YIPF7: variants seen among roughly 807,000 people sequenced by gnomAD.
The protein encoded by YIPF7 is Yip1 domain family member 7, also known as protein YIPF7.
A neutral mutation model predicts 27.2 loss-of-function variants in YIPF7; 35 were observed. The observed-to-expected ratio is 1.29, with a 90% CI of 0.98 to 1.70. YIPF7 has a LOEUF of 1.70. Ranked by LOEUF, YIPF7 falls within the 40% of genes most tolerant of loss-of-function variation. The probability of loss-of-function intolerance (pLI) is 0.00; values close to 1 mark genes in which losing one functional copy is unlikely to be tolerated. For synonymous variants in YIPF7, 137 were observed against 110.4 expected (o/e 1.24, Z -1.51); for missense variants, 358 against 303.7 (o/e 1.18, Z -1.33).
intron 2 of YIPF7, among the ~76,000 whole-genome samples, chr4:44,645,444 C>G (rs1005201141): frequency 6.6e-6 from 1 of 152,072 alleles, no homozygotes; most frequent in Non-Finnish European, 1.5e-5. Flanking sequence ...TAGTCCTTGA[C>G]GATTAACCTA....
chr4:44,622,649 A>G, intron 5 of YIPF7, 73 bp from the exon 6 acceptor site: 2 of 1,543,990 alleles, frequency 1.3e-6, no homozygotes, highest in South Asian at 2.4e-5. Context: ...TGCCTCTGAA[A>G]TATCCTTGGC....
At chr4:44,630,725 G>T (rs1712858604) in intron 3 of YIPF7, among the ~76,000 whole-genome samples, 1 of 152,074 alleles carries the variant, frequency 6.6e-6, no homozygotes, top group South Asian at 2.1e-4. Context: ...CCTTCTGCTA[G>T]AATCTGCTTC....
At chr4:44,661,864 T>C (rs946214556) in intron 1 of YIPF7, among the ~76,000 whole-genome samples, 1 of 152,238 alleles carries the variant, frequency 6.6e-6, no homozygotes, top group Non-Finnish European at 1.5e-5. Flanking sequence ...GGTCTTTAAT[T>C]ACCAAGTTAA....
intron 2 of YIPF7, chr4:44,660,441 A>T (rs989146143): frequency 6.6e-6 from 1 of 152,090 alleles, no homozygotes; most frequent in Non-Finnish European, 1.5e-5. Flanking sequence ...CTGCCATGTA[A>T]TAAGTACCTG....
chr4:44,635,930 A>G lies in YIPF7; in HGVS notation c.272T>C (p.Leu91Ser). ...YIDSFDEEPP[L>S]LEELGIHFDH... ...ACACTTCCTTAACTTATCTTCTAGC[A>G]AAGGAGGCTCTTCATCAAAACTGTC... Residue 91 changes from leucine to serine, a missense_variant, in exon 3 of 6, where the codon TTG (leucine) becomes TCG (serine). Physicochemically the swap from Leu to Ser is moderately radical, Grantham distance 145. Coordinates refer to ENST00000415895, the MANE Select transcript of YIPF7 (RefSeq NM_182592.3). The G allele has an allele frequency of 1.9e-6, 3 of 1,613,718 alleles. No individual in the cohort carries two copies. The highest frequency in any genetic ancestry group is 2.5e-6 in the Non-Finnish European group (3 of 1,179,750).
upstream of YIPF7, among the ~76,000 whole-genome samples, chr4:44,655,557 A>G (rs1163103712): frequency 1.3e-5 from 2 of 151,984 alleles, no homozygotes; most frequent in Non-Finnish European, 2.9e-5. Context: ...ATAAACCAAA[A>G]GAAAAATATG....
intron 2 of YIPF7, among the ~76,000 whole-genome samples, chr4:44,658,884 A>G (rs1156997806): frequency 6.6e-6 from 1 of 152,192 alleles, no homozygotes; most frequent in Non-Finnish European, 1.5e-5. Context: ...ATTATCTTCA[A>G]TCATCACCCA....
intron 2 of YIPF7, among the ~76,000 whole-genome samples, chr4:44,641,667 G>A (rs184768858): frequency 2.6e-5 from 4 of 151,986 alleles, no homozygotes; most frequent in East Asian, 3.9e-4. Flanking sequence ...TAACATATTC[G>A]ACCTCCTTTA....
At chr4:44,650,190 A>G in intron 1 of YIPF7, 89 bp from the exon 2 acceptor site, 4 of 788,508 alleles carry the variant, frequency 5.1e-6, no homozygotes, top group Non-Finnish European at 8.7e-6. Context: ...CAATGTGATT[A>G]TGGCTGAATT....
chr4:44,641,499 G>A (rs796327873), intron 2 of YIPF7, among the ~76,000 whole-genome samples: 4 of 152,194 alleles, frequency 2.6e-5, no homozygotes, highest in African/African-American at 9.6e-5. Flanking sequence ...CCAGTAACAC[G>A]TTTTAAGTTT....
rs369508790 is a variant in YIPF7 at position 44,649,991 on chromosome 4, G to A, written c.110C>T (p.Ser37Phe). The part of the protein sequence containing the change: ...DSNAYGNLYG[S>F]RKQQAGEQPQ... ...AAAAATATTAAGTACTTACTTTCTA[G>A]ATCCATAAAGATTTCCATAGGCATT... The change falls in exon 2 of 6, where the codon TCT becomes TTT. Residue 37 changes from serine to phenylalanine, a missense_variant. By Grantham distance (155) the Ser-to-Phe change is radical. Transcript: ENST00000415895. The A allele has an allele frequency of 3.4e-6, 5 of 1,486,246 alleles. No individual in the cohort carries two copies. The African/African-American group carries it at 7.0e-5, about 21-fold the overall frequency. The allele number at this position is 1,486,246 out of a possible 1,614,324, so 92.1% of individuals were successfully genotyped here. A position where few individuals can be genotyped will look rare whatever the true frequency, so the allele number is the denominator to read the frequency against.
intron 2 of YIPF7, among the ~76,000 whole-genome samples, chr4:44,636,799 G>C (rs1047811392): frequency 6.6e-6 from 1 of 151,918 alleles, no homozygotes; most frequent in Admixed American, 6.6e-5. Flanking sequence ...ATAAAATTTT[G>C]TTACATGCAT....
chr4:44,660,140 A>G (rs1714008898), intron 2 of YIPF7, among the ~76,000 whole-genome samples: 1 of 146,706 alleles, frequency 6.8e-6, no homozygotes, highest in Non-Finnish European at 1.5e-5. Context: ...AAAAAAACGA[A>G]CCTTACAGTG....
At chr4:44,625,765 G>A (rs564391648) in intron 4 of YIPF7, among the ~76,000 whole-genome samples, 5 of 152,222 alleles carry the variant, frequency 3.3e-5, no homozygotes, top group South Asian at 2.1e-4. Context: ...TACTTACAGC[G>A]TACCATTACT....
upstream of YIPF7, among the ~76,000 whole-genome samples, chr4:44,656,494 A>T (rs1713904818): frequency 6.6e-6 from 1 of 152,080 alleles, no homozygotes; most frequent in African/African-American, 2.4e-5. Flanking sequence ...TTATGTGTGT[A>T]TATAAACTTC....
chr4:44,636,234 G>C, intron 2 of YIPF7, 149 bp from the exon 3 acceptor site: 1 of 846,244 alleles, frequency 1.2e-6, no homozygotes, highest in Non-Finnish European at 1.7e-6. Context: ...TTTAACTTTA[G>C]TCCAAAAATG....
chr4:44,627,401 C>T (rs1367250814), intron 4 of YIPF7, among the ~76,000 whole-genome samples: 1 of 152,106 alleles, frequency 6.6e-6, no homozygotes, highest in Non-Finnish European at 1.5e-5. Context: ...ACTCTTATGT[C>T]TCCAGAGATA....
At chr4:44,657,221 A>T (rs1043101252) in intron 2 of YIPF7, among the ~76,000 whole-genome samples, 8 of 152,212 alleles carry the variant, frequency 5.3e-5, no homozygotes, top group Admixed American at 2.0e-4. Context: ...GAGTATCTCT[A>T]CCTTCTTTCG....
chr4:44,659,402 T>C (rs1713983761), intron 2 of YIPF7, among the ~76,000 whole-genome samples: 1 of 152,150 alleles, frequency 6.6e-6, no homozygotes, highest in Admixed American at 6.5e-5. Flanking sequence ...GTATAAATGA[T>C]AGTGCTGACA....
Sources: gnomAD v4.1 joint callset for allele counts (sites outside exome capture counted in the v4.1 genomes callset) on GRCh38, gnomAD v4.1.1 for gene constraint, MANE v1.5 for transcripts, NCBI Gene and HGNC (gene_info 2026-07-23, HGNC 2026-07-21) for gene names.